Variants in ACOXL observed in about 807,000 individuals in gnomAD.
The protein encoded by ACOXL is acyl-CoA oxidase like, also known as acyl-coenzyme A oxidase-like protein.
A neutral mutation model predicts 71.9 loss-of-function variants in ACOXL; 70 were observed. The ratio of observed to expected loss-of-function variants is 0.97; its 90% CI spans 0.80 to 1.19. The LOEUF (loss-of-function observed/expected upper bound fraction) is 1.19, where lower values mean the gene tolerates loss of function less well. Ranked by LOEUF, ACOXL falls within the 50% of genes most tolerant of loss-of-function variation. The probability of loss-of-function intolerance (pLI) is 0.00; values close to 1 mark genes in which losing one functional copy is unlikely to be tolerated. For synonymous variants in ACOXL, 253 were observed against 281.6 expected, an observed-to-expected ratio of 0.90 and a Z score of 1.02; for missense variants, 703 against 736.3, an observed-to-expected ratio of 0.95 and a Z score of 0.52.
intron 16 of ACOXL, among the ~76,000 whole-genome samples, chr2:111,064,430 C>A (rs1468762471): frequency 1.0e-4 from 11 of 107,868 alleles, no homozygotes; most frequent in African/African-American, 4.0e-4. Flanking sequence ...AGCGACACTC[C>A]ATCTCAAAAA....
At chr2:110,888,414 C>T (rs1697571653) in intron 10 of ACOXL, among the ~76,000 whole-genome samples, 1 of 152,104 alleles carries the variant, frequency 6.6e-6, no homozygotes, top group Non-Finnish European at 1.5e-5. Context: ...CCAGCAGAGG[C>T]CCCACATGTG....
intron 15 of ACOXL, among the ~76,000 whole-genome samples, chr2:111,033,100 C>T (rs983855414): frequency 5.9e-5 from 9 of 152,186 alleles, no homozygotes; most frequent in African/African-American, 2.2e-4. Flanking sequence ...TGGTCTCCAC[C>T]CAGTGACCAC....
chr2:110,909,180 A>T (rs13027035), intron 11 of ACOXL, among the ~76,000 whole-genome samples: 1,644 of 152,328 alleles, frequency 0.011, 11 homozygotes, highest in Admixed American at 0.017. Context: ...TTGAGAAGGC[A>T]GGAGCCAATG....
chr2:110,893,142 A>G lies in ACOXL; in HGVS notation c.789-15647A>G, dbSNP rs562957152. 3.5e-4 allele frequency among the ~76,000 whole-genome samples: 54 copies of G among 152,366 alleles called. No individual in the cohort carries two copies. In the East Asian group the frequency reaches 5.4e-3, roughly 15 times the overall value. ...AAGTATTAGGTTAAATTGTTTATATAAAAATTAAAAGTGTACATATTTCAA... is the reference window on the plus strand; with the variant it reads ...AAGTATTAGGTTAAATTGTTTATATGAAAATTAAAAGTGTACATATTTCAA... On this transcript the variant is annotated intron_variant, in intron 10 of 17. Transcript: ENST00000439055.
chr2:110,793,077 T>A (rs1040042994), intron 3 of ACOXL, among the ~76,000 whole-genome samples: 23 of 152,310 alleles, frequency 1.5e-4, no homozygotes, highest in African/African-American at 5.5e-4. Context: ...ATGGGTACTC[T>A]CACCATTCAT....
chr2:110,889,507 C>T (rs557131098), intron 10 of ACOXL, among the ~76,000 whole-genome samples: 2 of 152,278 alleles, frequency 1.3e-5, no homozygotes, highest in East Asian at 3.9e-4. Flanking sequence ...TTACCCCTCC[C>T]TGCAGCCTTA....
chr2:110,919,869 T>C (rs2060003532), intron 11 of ACOXL, among the ~76,000 whole-genome samples: 1 of 152,236 alleles, frequency 6.6e-6, no homozygotes, highest in Non-Finnish European at 1.5e-5. Context: ...GATTCATCCA[T>C]GTCATTGTGT....
intron 12 of ACOXL, among the ~76,000 whole-genome samples, chr2:110,935,858 TG>T (rs1159694797): frequency 1.3e-5 from 1 of 77,280 alleles, no homozygotes; most frequent in Non-Finnish European, 2.6e-5. Flanking sequence ...GTTTTGGGGG[TG>T]GGGGGTGCGG....
At chr2:111,022,259 G>A (rs978327511) in intron 14 of ACOXL, among the ~76,000 whole-genome samples, 1 of 152,154 alleles carries the variant, frequency 6.6e-6, no homozygotes, top group Non-Finnish European at 1.5e-5. Context: ...CAGCTACTTG[G>A]GAGGCCAAGG....
At chr2:111,090,391 G>A (rs1054623082) in intron 16 of ACOXL, among the ~76,000 whole-genome samples, 7 of 152,100 alleles carry the variant, frequency 4.6e-5, no homozygotes, top group African/African-American at 1.4e-4. Flanking sequence ...CTGTTTGGGG[G>A]ACTGAGACTG....
chr2:110,814,576 A>G (rs952634140), intron 9 of ACOXL, among the ~76,000 whole-genome samples: 5 of 152,204 alleles, frequency 3.3e-5, no homozygotes, highest in African/African-American at 9.6e-5. Flanking sequence ...AAACCCTTAC[A>G]GGCTCTAAGA....
Position 111,095,981 on chromosome 2 carries a change from T to C in ACOXL, c.1542+3015T>C, listed in dbSNP as rs183976771. On this transcript the variant is annotated intron_variant, in intron 17 of 17. Coordinates refer to ENST00000439055, the MANE Select transcript of ACOXL (RefSeq NM_001142807.4). ...CAGGGATCTCAAGGCTTTAGAGAAA[T>C]GATTTGCAGCCATTCTTCACAAAAA... 2.7e-3 allele frequency among the ~76,000 whole-genome samples: 417 copies of C among 152,262 alleles called. 6 individuals carry two copies. Among genetic ancestry groups the C allele is most frequent in the African/African-American group, 9.7e-3 (404 of 41,532 alleles).
At chr2:110,780,380 A>G (rs906546870) in intron 2 of ACOXL, among the ~76,000 whole-genome samples, 1 of 152,220 alleles carries the variant, frequency 6.6e-6, no homozygotes, top group Admixed American at 6.5e-5. Context: ...CATTTTCAAA[A>G]ACTGTTTGGC....
chr2:110,757,627 C>T (rs561973913), intron 1 of ACOXL, among the ~76,000 whole-genome samples: 3 of 152,150 alleles, frequency 2.0e-5, no homozygotes, highest in South Asian at 2.1e-4. Context: ...ATGGTTTTGA[C>T]GTGCATTTCT....
intron 9 of ACOXL, among the ~76,000 whole-genome samples, chr2:110,807,486 A>G (rs1686810697): frequency 6.6e-6 from 1 of 152,218 alleles, no homozygotes; most frequent in African/African-American, 2.4e-5. Context: ...CTCGCCTCCA[A>G]GTAACAAGGC....
intron 1 of ACOXL, among the ~76,000 whole-genome samples, chr2:110,736,550 G>A (rs1676865327): frequency 6.6e-6 from 1 of 151,664 alleles, no homozygotes; most frequent in Admixed American, 6.6e-5. Context: ...TGTAGCATGT[G>A]TCAAAATTCC....
intron 10 of ACOXL, among the ~76,000 whole-genome samples, chr2:110,899,729 T>A (rs1035023794): frequency 6.6e-6 from 1 of 152,206 alleles, no homozygotes; most frequent in Non-Finnish European, 1.5e-5. Flanking sequence ...TTCATTAGTA[T>A]ACAATTTTAA....
At chr2:110,741,043 C>T (rs527756695) in intron 1 of ACOXL, among the ~76,000 whole-genome samples, 1 of 152,258 alleles carries the variant, frequency 6.6e-6, no homozygotes, top group African/African-American at 2.4e-5. Context: ...AAGTGTCATT[C>T]TCTTTTCTCT....
chr2:111,015,955 C>G, intron 14 of ACOXL, among the ~76,000 whole-genome samples: 1 of 152,148 alleles, frequency 6.6e-6, no homozygotes. Flanking sequence ...GTTTTAGAGA[C>G]GGGATCTTAC....
Sources: gnomAD v4.1 joint callset for allele counts (sites outside exome capture counted in the v4.1 genomes callset) on GRCh38, gnomAD v4.1.1 for gene constraint, MANE v1.5 for transcripts, NCBI Gene and HGNC (gene_info 2026-07-23, HGNC 2026-07-21) for gene names.